PCLO: variants seen among roughly 807,000 people sequenced by gnomAD.
PCLO encodes piccolo presynaptic cytomatrix protein.
Under a neutral mutation model 427.5 loss-of-function variants are expected in PCLO, and 82 were observed. The observed-to-expected ratio is 0.19, with a 90% CI of 0.16 to 0.23. The LOEUF (loss-of-function observed/expected upper bound fraction) is 0.23, where lower values mean the gene tolerates loss of function less well. PCLO is among the 10% of genes least tolerant of loss of function. The pLI is 1.00. For missense variants in PCLO, 6,239 were observed against 6,115.9 expected (o/e 1.02, Z -0.67); for synonymous variants, 2,357 against 2,155.4 (o/e 1.09, Z -2.59).
In PCLO at chr7:82,829,683, A is replaced by G. The variant is rs371411134; in HGVS notation, c.14250-1717T>C. 1.8e-4 allele frequency among the ~76,000 whole-genome samples: 28 copies of G among 152,278 alleles called. 1 individual carries two copies. In the East Asian group the frequency reaches 4.3e-3, roughly 23 times the overall value. ...ATATACTTTTTAGATAAATTTGTCAATATCTAGTGAAGTTTAAGTTTATAT... is the reference window on the plus strand; with the variant it reads ...ATATACTTTTTAGATAAATTTGTCAGTATCTAGTGAAGTTTAAGTTTATAT... On this transcript the variant is annotated intron_variant, in intron 16 of 24. Transcript: ENST00000333891.
chr7:83,116,024 A>G (rs535021482), intron 3 of PCLO, among the ~76,000 whole-genome samples: 2 of 151,996 alleles, frequency 1.3e-5, no homozygotes, highest in South Asian at 4.1e-4. Context: ...TTCCCACATT[A>G]ACATTAAAGA....
chr7:83,071,662 T>C (rs1245062136), intron 3 of PCLO, among the ~76,000 whole-genome samples: 2 of 152,132 alleles, frequency 1.3e-5, no homozygotes, highest in Non-Finnish European at 2.9e-5. Flanking sequence ...TAATAATACA[T>C]CATGAATCTT....
At chr7:82,824,526 T>A in intron 18 of PCLO, 110 bp from the exon 19 acceptor site, 1 of 594,062 alleles carries the variant, frequency 1.7e-6, no homozygotes, top group Non-Finnish European at 2.8e-6. Context: ...AGGAATACAG[T>A]ATAACTTTTG....
At chr7:82,903,001 A>G (rs1794087604) in intron 8 of PCLO, among the ~76,000 whole-genome samples, 1 of 152,062 alleles carries the variant, frequency 6.6e-6, no homozygotes, top group Admixed American at 6.6e-5. Context: ...TAATAAGTGC[A>G]TGCAATAGGT....
intron 3 of PCLO, among the ~76,000 whole-genome samples, chr7:82,991,751 T>C (rs1796381241): frequency 6.6e-6 from 1 of 152,154 alleles, no homozygotes; most frequent in Admixed American, 6.6e-5. Flanking sequence ...ACCATAATCA[T>C]GTTGCTATGG....
At chr7:83,095,372 T>C (rs1460175824) in intron 3 of PCLO, among the ~76,000 whole-genome samples, 1 of 152,034 alleles carries the variant, frequency 6.6e-6, no homozygotes, top group Non-Finnish European at 1.5e-5. Flanking sequence ...TGTTGAACTT[T>C]TTTAAAAAGT....
chr7:82,913,644 A>G (rs1794376686), intron 7 of PCLO, among the ~76,000 whole-genome samples: 1 of 152,034 alleles, frequency 6.6e-6, no homozygotes, highest in South Asian at 2.1e-4. Flanking sequence ...CTCATCTTCA[A>G]TATTAGACTT....
chr7:83,050,227 A>AAAAAAAAAAAAAAAAAACAAAAAC (rs71074611), intron 3 of PCLO, among the ~76,000 whole-genome samples: 10 of 85,650 alleles, frequency 1.2e-4, no homozygotes, highest in African/African-American at 2.6e-4. Context: ...AAAAAAAAAA[A>AAAAAAAAAAAAAAAAAACAAAAAC]AAAAAAAAAA....
In PCLO at chr7:82,953,017, G is replaced by T. The variant is rs1469054025; in HGVS notation, c.7936C>A (p.Gln2646Lys). The change falls in exon 5 of 25, where the codon CAG (glutamine) becomes AAG (lysine). Residue 2646 changes from glutamine to lysine, a missense_variant. Physicochemically the swap from Gln to Lys is moderately conservative, Grantham distance 53 (BLOSUM62 1). Transcript: ENST00000333891. The part of the protein sequence containing the change: ...EQTFYISGAL[Q>K]TFSATPVTAP... ...GTGACAGGGGTAGCAGAAAATGTCT[G>T]TAAAGCTCCAGAGATGTAGAAGGTC... 6.2e-7 allele frequency: 1 copy of T among 1,613,962 alleles called. No homozygotes were observed. The highest frequency in any genetic ancestry group is 1.7e-5 in the Admixed American group (1 of 60,014).
At chr7:82,791,477 T>C (rs1353367364) in intron 22 of PCLO, among the ~76,000 whole-genome samples, 1 of 152,200 alleles carries the variant, frequency 6.6e-6, no homozygotes, top group Non-Finnish European at 1.5e-5. Context: ...GGACAAAACA[T>C]GACTTGAGTA....
chr7:82,897,615 G>A (rs887246725), intron 9 of PCLO, among the ~76,000 whole-genome samples: 5 of 151,270 alleles, frequency 3.3e-5, no homozygotes, highest in South Asian at 2.1e-4. Flanking sequence ...TTGTTAGTAC[G>A]TTAAGAATCT....
intron 3 of PCLO, among the ~76,000 whole-genome samples, chr7:83,076,527 T>G (rs1384017976): frequency 6.6e-6 from 1 of 152,060 alleles, no homozygotes; most frequent in Non-Finnish European, 1.5e-5. Flanking sequence ...CCTCCCAAAG[T>G]GCCGGGATTA....
chr7:83,107,303 T>C (rs1424012814), intron 3 of PCLO, among the ~76,000 whole-genome samples: 1 of 152,166 alleles, frequency 6.6e-6, no homozygotes, highest in Non-Finnish European at 1.5e-5. Context: ...ATCCATCCCA[T>C]TGGAGTTAAG....
rs556193471 is a variant in PCLO, at chr7:83,050,208, G to GAAAAAAAAAAAAAAAAAAAAAA, written c.3301-83743_3301-83722dup. ...TGAACTATTCCTCATCTGAAAAACTGAAAAAAAAAAAAAAAAAAAAAAAAA... is the reference window on the plus strand; with the variant it reads ...TGAACTATTCCTCATCTGAAAAACTGAAAAAAAAAAAAAAAAAAAAAAAAAAAAAAAAAAAAAAAAAAAAAAA... On this transcript the variant is annotated intron_variant, in intron 3 of 24. Coordinates refer to ENST00000333891, the MANE Select transcript of PCLO (RefSeq NM_033026.6). Among the ~76,000 whole-genome samples, 10 of 5,458 alleles carry GAAAAAAAAAAAAAAAAAAAAAA rather than the reference G, an allele frequency of 1.8e-3. 2 individuals carry two copies. The highest frequency in any genetic ancestry group is 2.5e-3 in the Non-Finnish European group (7 of 2,792). 3.6% of individuals were successfully genotyped at this position (5,458 alleles called of 152,430 possible).
chr7:82,763,083 T>G (rs1790463262), intron 22 of PCLO, among the ~76,000 whole-genome samples: 1 of 152,118 alleles, frequency 6.6e-6, no homozygotes, highest in Non-Finnish European at 1.5e-5. Flanking sequence ...TTAAGAATTT[T>G]TCCTGTTTAG....
chr7:83,067,697 T>C (rs1359731347), intron 3 of PCLO, among the ~76,000 whole-genome samples: 1 of 152,234 alleles, frequency 6.6e-6, no homozygotes. Flanking sequence ...ATCCATATCT[T>C]TCCTTGTTTA....
chr7:82,838,045 C>T (rs1003588840), intron 15 of PCLO, among the ~76,000 whole-genome samples, 173 bp downstream of exon 15: 5 of 151,772 alleles, frequency 3.3e-5, no homozygotes, highest in African/African-American at 1.2e-4. Context: ...GGCTTAATTA[C>T]AAGTTTTTAA....
chr7:83,119,812 G>C (rs897456819), intron 3 of PCLO, among the ~76,000 whole-genome samples: 4 of 119,844 alleles, frequency 3.3e-5, no homozygotes, highest in Non-Finnish European at 6.6e-5. Flanking sequence ...AATATACCCA[G>C]AATCCTATCA....
chr7:82,884,632 G>A (rs1037374247), intron 9 of PCLO, among the ~76,000 whole-genome samples: 4 of 152,110 alleles, frequency 2.6e-5, no homozygotes, highest in Non-Finnish European at 4.4e-5. Flanking sequence ...AAAAGGCAAT[G>A]AAAAGGAAAT....
Sources: allele counts gnomAD v4.1 joint callset (sites outside exome capture counted in the v4.1 genomes callset), GRCh38; gene constraint gnomAD v4.1.1; transcripts MANE v1.5; gene names NCBI Gene and HGNC (gene_info 2026-07-23, HGNC 2026-07-21).